The following PUDP variants were observed in gnomAD, a reference collection of about 807,000 sequenced individuals.
PUDP encodes pseudouridine 5'-phosphatase.
PUDP carries 8 observed loss-of-function variants against 9.4 expected under a neutral mutation model. That is an observed-to-expected ratio of 0.85 (90% CI 0.50 to 1.53). The LOEUF is 1.53. PUDP is among the 40% of genes most tolerant of loss of function. PUDP has a pLI of 0.00. For missense variants in PUDP, 188 were observed against 189.7 expected, an observed-to-expected ratio of 0.99 and a Z score of 0.05; for synonymous variants, 99 against 80.7, an observed-to-expected ratio of 1.23 and a Z score of -1.22.
intron 3 of PUDP, among the ~76,000 whole-genome samples, chrX:6,921,513 G>T (rs1928023422): frequency 9.0e-6 from 1 of 111,363 alleles, no homozygotes; most frequent in Non-Finnish European, 1.9e-5. Context: ...TAACTCTCAT[G>T]CATGTATAAT....
chrX:6,921,933 T>G (rs1241690024), intron 3 of PUDP, among the ~76,000 whole-genome samples: 1 of 111,886 alleles, frequency 8.9e-6, no homozygotes, highest in African/African-American at 3.3e-5. Context: ...TAAATTGTAC[T>G]GTTCACCTAC....
At chrX:6,872,789 T>C (rs1205660115) in intron 3 of PUDP, among the ~76,000 whole-genome samples, 1 of 108,342 alleles carries the variant, frequency 9.2e-6, no homozygotes, top group African/African-American at 3.4e-5. Flanking sequence ...TTATTTGGGA[T>C]GGGGGAAGGT....
chrX:6,887,785 T>G (rs1016502414), intron 3 of PUDP, among the ~76,000 whole-genome samples: 1 of 111,982 alleles, frequency 8.9e-6, no homozygotes, highest in African/African-American at 3.2e-5. Flanking sequence ...GACTTCTAAG[T>G]ACCTAGCAAC....
intron 3 of PUDP, among the ~76,000 whole-genome samples, chrX:6,728,042 A>C (rs1362938928): frequency 2.7e-5 from 3 of 111,720 alleles, no homozygotes; most frequent in African/African-American, 9.8e-5. Flanking sequence ...AAAGAGGTTT[A>C]ATGGACTCAC....
intron 1 of PUDP, among the ~76,000 whole-genome samples, chrX:7,009,489 T>A (rs1929447665): frequency 1.8e-5 from 2 of 112,555 alleles, no homozygotes; most frequent in South Asian, 7.3e-4. Context: ...GACCAATTAA[T>A]TCTTCGGCCA....
chrX:6,992,416 G>A (rs1323236368), intron 1 of PUDP, among the ~76,000 whole-genome samples: 1 of 97,672 alleles, frequency 1.0e-5, no homozygotes, highest in African/African-American at 3.6e-5. Flanking sequence ...GGGACTACAG[G>A]CGCCCGCCAC....
chrX:7,146,835 G>GTT (rs72051800), intron 1 of PUDP, among the ~76,000 whole-genome samples: 18 of 83,010 alleles, frequency 2.2e-4, no homozygotes, highest in East Asian at 8.0e-4. Flanking sequence ...GAGCTGCAGG[G>GTT]TTTTTTTTTT....
chrX:6,832,662 T>C (rs987086335), intron 3 of PUDP, among the ~76,000 whole-genome samples: 4 of 111,786 alleles, frequency 3.6e-5, no homozygotes, highest in African/African-American at 1.3e-4. Context: ...TGTAGGATTA[T>C]AGCAGAAGGA....
chrX:6,794,922 G>GTT (rs397954777), intron 3 of PUDP, among the ~76,000 whole-genome samples: 349 of 95,699 alleles, frequency 3.6e-3, no homozygotes, highest in East Asian at 0.011. Flanking sequence ...AACTTTTTAG[G>GTT]TTTTTTTTTT....
chrX:6,762,066 C>T (rs961768584), intron 3 of PUDP, among the ~76,000 whole-genome samples: 1 of 111,448 alleles, frequency 9.0e-6, no homozygotes, highest in Non-Finnish European at 1.9e-5. Flanking sequence ...GTGGCATACG[C>T]CTGTAGTCCC....
At chrX:7,047,111 T>C (rs907274742), downstream of PUDP, among the ~76,000 whole-genome samples, 3 of 112,065 alleles carry the variant, frequency 2.7e-5, no homozygotes, top group Non-Finnish European at 5.6e-5. Context: ...GGTCAAAAGA[T>C]GTACAGAAAA....
At chrX:6,753,946 G>C (rs567261577) in intron 3 of PUDP, among the ~76,000 whole-genome samples, 1 of 111,499 alleles carries the variant, frequency 9.0e-6, no homozygotes, top group African/African-American at 3.3e-5. Context: ...CTCTGCTGGC[G>C]GTTCTTTTTG....
intron 1 of PUDP, among the ~76,000 whole-genome samples, chrX:6,998,436 G>A (rs1057327824): frequency 4.5e-5 from 5 of 110,966 alleles, no homozygotes; most frequent in East Asian, 2.8e-4. Context: ...CACAAGTACC[G>A]AGTAGGGGAG....
intron 2 of PUDP, among the ~76,000 whole-genome samples, chrX:7,086,088 G>A (rs1170269893): frequency 9.0e-6 from 1 of 111,414 alleles, no homozygotes; most frequent in Non-Finnish European, 1.9e-5. Flanking sequence ...CCCCAACTCT[G>A]CTGAGCCCCT....
intron 1 of PUDP, among the ~76,000 whole-genome samples, chrX:7,035,391 T>C (rs753517752): frequency 1.8e-5 from 2 of 112,137 alleles, no homozygotes; most frequent in South Asian, 7.4e-4. Context: ...TTTTGCCTGA[T>C]ATAAGTTTTA....
chrX:6,790,662 A>G (rs1351495468), intron 3 of PUDP, among the ~76,000 whole-genome samples: 2 of 112,807 alleles, frequency 1.8e-5, no homozygotes, highest in Non-Finnish European at 3.7e-5. Flanking sequence ...AACTACACAT[A>G]GTGTATTTTA....
intron 1 of PUDP, among the ~76,000 whole-genome samples, chrX:7,016,591 G>A (rs758286041): frequency 1.1e-3 from 117 of 111,210 alleles, no homozygotes; most frequent in Non-Finnish European, 2.1e-3. Flanking sequence ...GTGTTAGAGA[G>A]TGGTCTATAC....
chrX:7,027,154 T>G (rs1314443137), intron 1 of PUDP, among the ~76,000 whole-genome samples: 1 of 111,342 alleles, frequency 9.0e-6, no homozygotes, highest in Non-Finnish European at 1.9e-5. Flanking sequence ...CAGCGTCTCA[T>G]GCCAGAACCA....
intron 3 of PUDP, among the ~76,000 whole-genome samples, chrX:6,847,931 A>C (rs1452492044): frequency 8.9e-6 from 1 of 111,871 alleles, no homozygotes; most frequent in African/African-American, 3.3e-5. Flanking sequence ...AAACCTCTGC[A>C]TATGTGATAT....
Sources: gnomAD v4.1 joint callset for allele counts (sites outside exome capture counted in the v4.1 genomes callset) on GRCh38, gnomAD v4.1.1 for gene constraint, MANE v1.5 for transcripts, NCBI Gene and HGNC (gene_info 2026-07-23, HGNC 2026-07-21) for gene names.